Variants in PCNX1 observed in about 807,000 individuals in gnomAD.
PCNX1 encodes pecanex-like protein 1.
In PCNX1, 78 loss-of-function variants were observed where a neutral mutation model predicts 242.2. The observed-to-expected ratio is 0.32, with a 90% confidence interval of 0.27 to 0.39. The LOEUF (loss-of-function observed/expected upper bound fraction) is 0.39. PCNX1 is among the 10% of genes least tolerant of loss of function. The pLI is 1.00. For synonymous variants in PCNX1, 1,024 were observed against 1,032.9 expected (o/e 0.99, Z 0.17); for missense variants, 2,581 against 2,856.5 (o/e 0.90, Z 2.20).
Position 70,934,610 on chromosome 14 carries a change from C to G in PCNX1, c.154-12305C>G, listed in dbSNP as rs147417200. Reference sequence around the variant, plus strand: ...TTTAACCATTTTTAAGTATACTCTTCAGTAGTGTCAGTGTTGAAATATTCA... The same window carrying G: ...TTTAACCATTTTTAAGTATACTCTTGAGTAGTGTCAGTGTTGAAATATTCA... On this transcript the variant is annotated intron_variant, in intron 1 of 35. Transcript: ENST00000304743. 3.2e-4 allele frequency among the ~76,000 whole-genome samples: 48 copies of G among 152,218 alleles called. No individual in the cohort carries two copies. The East Asian group carries it at 8.7e-3, about 28-fold the overall frequency.
At chr14:70,953,041 G>A (rs1174046149) in intron 2 of PCNX1, among the ~76,000 whole-genome samples, 1 of 152,186 alleles carries the variant, frequency 6.6e-6, no homozygotes, top group East Asian at 1.9e-4. Flanking sequence ...GGAGAGATGG[G>A]AGGACAGCTT....
intron 32 of PCNX1, among the ~76,000 whole-genome samples, chr14:71,104,500 C>G (rs1320634693): frequency 6.6e-6 from 1 of 152,170 alleles, no homozygotes; most frequent in Admixed American, 6.5e-5. Flanking sequence ...TGCTTAGTCA[C>G]TCTCCATTTT....
chr14:70,917,896 T>C (rs2056213978), intron 1 of PCNX1, among the ~76,000 whole-genome samples: 1 of 152,222 alleles, frequency 6.6e-6, no homozygotes, highest in Non-Finnish European at 1.5e-5. Flanking sequence ...CCATCAGTGA[T>C]CTTAGATCTT....
chr14:70,923,142 G>C (rs1279398395), intron 1 of PCNX1, among the ~76,000 whole-genome samples: 1 of 151,840 alleles, frequency 6.6e-6, no homozygotes, highest in South Asian at 2.1e-4. Flanking sequence ...TGTATATTTT[G>C]TCCTTTTCTG....
At chr14:71,061,464 A>T (rs568289003) in intron 26 of PCNX1, among the ~76,000 whole-genome samples, 1 of 152,304 alleles carries the variant, frequency 6.6e-6, no homozygotes, top group Non-Finnish European at 1.5e-5. Context: ...CCCGGTATCA[A>T]AGTGGTATTT....
intron 31 of PCNX1, among the ~76,000 whole-genome samples, chr14:71,102,564 C>T (rs1043880821): frequency 2.0e-5 from 3 of 152,076 alleles, no homozygotes; most frequent in East Asian, 1.9e-4. Context: ...CCACGCCCAG[C>T]CTTGATGTAA....
Position 71,085,509 on chromosome 14 carries a change from G to A in PCNX1, c.5338-2821G>A, listed in dbSNP as rs78562040. On this transcript the variant is annotated intron_variant, in intron 28 of 35. Coordinates refer to ENST00000304743, the MANE Select transcript of PCNX1 (RefSeq NM_014982.3). ...ATCGACAGAATGATCAAAGGAGACT[G>A]CATCAAATTGGATTCCTATGGTGGA... 1,366 of 152,846 alleles carry A rather than the reference G, an allele frequency of 8.9e-3. 9 individuals carry two copies. The highest frequency in any genetic ancestry group is 0.012 in the Non-Finnish European group (844 of 68,440). 9.5% of individuals were successfully genotyped at this position (152,846 alleles called of 1,614,324 possible).
At chr14:70,926,747 C>A (rs1326078821) in intron 1 of PCNX1, among the ~76,000 whole-genome samples, 1 of 151,732 alleles carries the variant, frequency 6.6e-6, no homozygotes, top group African/African-American at 2.4e-5. Flanking sequence ...TTGAGGGATG[C>A]ATGTGTGAAA....
At position 71,103,121 on chromosome 14, in the gene PCNX1, C is replaced by T. The variant is rs542651801; in HGVS notation, c.5821-274C>T. 5.9e-5 allele frequency among the ~76,000 whole-genome samples: 9 copies of T among 152,156 alleles called. No homozygotes were observed. The South Asian group carries it at 1.2e-3, about 21-fold the overall frequency. ...TATAGTCTTATTTATCAGTGCTTTG[C>T]CAAGTTAAAAAACTAAATTGACTTT... On this transcript the variant is annotated intron_variant, in intron 31 of 35. Coordinates refer to ENST00000304743, the MANE Select transcript of PCNX1 (RefSeq NM_014982.3).
At chr14:71,021,961 G>A (rs918807513) in intron 12 of PCNX1, among the ~76,000 whole-genome samples, 1 of 152,040 alleles carries the variant, frequency 6.6e-6, no homozygotes, top group African/African-American at 2.4e-5. Context: ...CTTTGTATAT[G>A]AGTTATTTCC....
chr14:71,009,815 TTTG>T (rs2059772160), intron 9 of PCNX1, 91 bp downstream of exon 9: 2 of 654,288 alleles, frequency 3.1e-6, no homozygotes, highest in South Asian at 7.3e-5. Flanking sequence ...AGTTAATTTT[TTTG>T]TTTTTTATAA....
intron 2 of PCNX1, among the ~76,000 whole-genome samples, chr14:70,958,250 T>C (rs1462879197): frequency 6.6e-6 from 1 of 152,228 alleles, no homozygotes; most frequent in Non-Finnish European, 1.5e-5. Context: ...GTTTTCTTTG[T>C]TGAACCTTAG....
intron 10 of PCNX1, chr14:71,012,201 A>T (rs1203454350): frequency 1.3e-5 from 2 of 153,040 alleles, no homozygotes; most frequent in African/African-American, 2.4e-5. Context: ...AACAACAATG[A>T]TAAGAGACTG....
intron 1 of PCNX1, among the ~76,000 whole-genome samples, chr14:70,920,855 A>G (rs982986311): frequency 1.3e-5 from 2 of 152,200 alleles, no homozygotes; most frequent in African/African-American, 4.8e-5. Flanking sequence ...ATATTCATAC[A>G]TTCAGAACCT....
At chr14:71,106,737 T>G (rs2062633023) in intron 33 of PCNX1, among the ~76,000 whole-genome samples, 2 of 152,180 alleles carry the variant, frequency 1.3e-5, no homozygotes, top group African/African-American at 4.8e-5. Flanking sequence ...AATGAATTTA[T>G]CAGCAGCTCC....
intron 6 of PCNX1, among the ~76,000 whole-genome samples, chr14:70,979,370 G>T (rs1316245780): frequency 2.0e-5 from 3 of 152,054 alleles, no homozygotes; most frequent in African/African-American, 7.2e-5. Flanking sequence ...TTGGAGAATT[G>T]TGCAAATTTG....
chr14:71,051,647 T>C (rs151294616), intron 23 of PCNX1, among the ~76,000 whole-genome samples: 73 of 152,302 alleles, frequency 4.8e-4, no homozygotes, highest in African/African-American at 1.7e-3. Flanking sequence ...CAAATACATA[T>C]TAGCAAATAC....
At chr14:71,028,881 C>G (rs970486277) in intron 16 of PCNX1, 90 bp downstream of exon 16, 1 of 688,742 alleles carries the variant, frequency 1.5e-6, no homozygotes, top group African/African-American at 1.9e-5. Flanking sequence ...ATTTCTTCCC[C>G]TGGTATCGCT....
intron 1 of PCNX1, among the ~76,000 whole-genome samples, chr14:70,923,110 CTT>C (rs2056443039): frequency 6.8e-6 from 1 of 147,836 alleles, no homozygotes; most frequent in African/African-American, 2.5e-5. Context: ...ACACACACGT[CTT>C]TTTTCTTTTA....
Sources: allele counts gnomAD v4.1 joint callset (sites outside exome capture counted in the v4.1 genomes callset), GRCh38; gene constraint gnomAD v4.1.1; transcripts MANE v1.5; gene names NCBI Gene and HGNC (gene_info 2026-07-23, HGNC 2026-07-21).